Variants in ADAM23 observed in about 807,000 individuals in gnomAD.
ADAM23 encodes the protein disintegrin and metalloproteinase domain-containing protein 23.
In ADAM23, 33 loss-of-function variants were observed where a neutral mutation model predicts 120.1. The ratio of observed to expected loss-of-function variants is 0.27; its 90% confidence interval spans 0.21 to 0.37. The LOEUF (loss-of-function observed/expected upper bound fraction) is 0.37. Ranked by LOEUF, ADAM23 falls within the 10% of genes least tolerant of loss-of-function variation. The pLI, the probability that ADAM23 is intolerant of heterozygous loss-of-function variation, is 1.00. For synonymous variants in ADAM23, 367 were observed against 375.2 expected (o/e 0.98, Z 0.25); for missense variants, 862 against 1,058.2 (o/e 0.81, Z 2.57).
intron 9 of ADAM23, among the ~76,000 whole-genome samples, chr2:206,552,602 T>TCAAAAG (rs1453943437): frequency 6.6e-6 from 1 of 152,080 alleles, no homozygotes; most frequent in Non-Finnish European, 1.5e-5. Flanking sequence ...ATTTAGGCTA[T>TCAAAAG]CAAATCTTTT....
intron 13 of ADAM23, among the ~76,000 whole-genome samples, chr2:206,563,750 G>A (rs1697818833): frequency 7.4e-6 from 1 of 135,114 alleles, no homozygotes; most frequent in Non-Finnish European, 1.6e-5. Context: ...TTTTTTTTGA[G>A]AATGAGTCTC....
intron 9 of ADAM23, among the ~76,000 whole-genome samples, chr2:206,556,402 A>C (rs963874619): frequency 6.6e-6 from 1 of 152,192 alleles, no homozygotes; most frequent in African/African-American, 2.4e-5. Flanking sequence ...TAATGTAGAA[A>C]TATTTTGAAT....
intron 3 of ADAM23, among the ~76,000 whole-genome samples, chr2:206,481,813 G>A (rs544033794): frequency 1.3e-5 from 2 of 152,262 alleles, no homozygotes; most frequent in South Asian, 2.1e-4. Flanking sequence ...AAATTTACCC[G>A]ATTGTCTCTG....
chr2:206,444,237 A>G (rs1448903), intron 1 of ADAM23, among the ~76,000 whole-genome samples, 157 bp downstream of exon 1: 9,320 of 151,950 alleles, frequency 0.061, 377 homozygotes, highest in Middle Eastern at 0.12. Flanking sequence ...CCAAACCCCC[A>G]TTCATCCCAG....
intron 6 of ADAM23, among the ~76,000 whole-genome samples, chr2:206,546,296 C>A (rs1574525569): frequency 6.6e-6 from 1 of 152,046 alleles, no homozygotes; most frequent in South Asian, 2.1e-4. Flanking sequence ...TATCTTTTCA[C>A]CTTTTACCAG....
At position 206,557,508 on chromosome 2, in the gene ADAM23, C is replaced by G. The variant is rs759979110; in HGVS notation, c.1005+10C>G. ...CAACCTTGTGGATTCTGTAAGTATC[C>G]TGGTTTTCTTGAATTTGTGTGCCAA... is the stretch of plus-strand genomic sequence containing the variant. On this transcript the variant is annotated intron_variant, in intron 10 of 25. Coordinates refer to ENST00000264377, the MANE Select transcript of ADAM23 (RefSeq NM_003812.4). The G allele has an allele frequency of 5.6e-6, 9 of 1,605,040 alleles. No homozygotes were observed. Among genetic ancestry groups the G allele is most frequent in the Non-Finnish European group, 7.7e-6 (9 of 1,171,890 alleles).
chr2:206,502,411 C>T (rs1696406482), intron 3 of ADAM23, among the ~76,000 whole-genome samples: 1 of 152,042 alleles, frequency 6.6e-6, no homozygotes, highest in Admixed American at 6.6e-5. Flanking sequence ...TTATGACATT[C>T]AGCTTATTAC....
At chr2:206,468,753 A>G (rs770251344) in intron 2 of ADAM23, among the ~76,000 whole-genome samples, 1 of 152,196 alleles carries the variant, frequency 6.6e-6, no homozygotes, top group African/African-American at 2.4e-5. Context: ...GTATTAGTCC[A>G]TTCTCACATT....
chr2:206,597,238 G>A (rs573938708), intron 24 of ADAM23, among the ~76,000 whole-genome samples: 45 of 148,462 alleles, frequency 3.0e-4, no homozygotes, highest in African/African-American at 1.1e-3. Context: ...GGAGTGCAGC[G>A]GTGTGATCTT....
chr2:206,586,920 T>C (rs539356559), intron 18 of ADAM23, among the ~76,000 whole-genome samples: 1 of 152,346 alleles, frequency 6.6e-6, no homozygotes, highest in East Asian at 1.9e-4. Flanking sequence ...AATGTCATGA[T>C]GTCAAATGCA....
chr2:206,615,308 G>T (rs1000029130), intron 25 of ADAM23, among the ~76,000 whole-genome samples: 1 of 152,188 alleles, frequency 6.6e-6, no homozygotes, highest in Non-Finnish European at 1.5e-5. Flanking sequence ...TACCTTACAG[G>T]TTATGAGAAA....
In ADAM23 at chr2:206,618,268, C is replaced by G. The variant is rs1698973725; in HGVS notation, c.*641C>G. 6.6e-6 allele frequency: 1 copy of G among 152,216 alleles called. No individual in the cohort carries two copies. The highest frequency in any genetic ancestry group is 6.6e-5 in the Admixed American group (1 of 15,262). 9.4% of individuals were successfully genotyped at this position (152,216 alleles called of 1,614,324 possible). A position where few individuals can be genotyped will look rare whatever the true frequency, so the allele number is the denominator to read the frequency against. ...CACTTCTTACCCCCCACCTCCCACC[C>G]TCTATAATCCCCACTCCCCATTGGA... On this transcript the variant is annotated 3_prime_UTR_variant, in exon 26 of 26. Coordinates refer to ENST00000264377, the MANE Select transcript of ADAM23 (RefSeq NM_003812.4).
chr2:206,591,722 A>C (rs897205783), intron 21 of ADAM23, among the ~76,000 whole-genome samples: 2 of 152,216 alleles, frequency 1.3e-5, no homozygotes, highest in Non-Finnish European at 2.9e-5. Flanking sequence ...AAATAATGTC[A>C]GACTGTTTTC....
intron 18 of ADAM23, among the ~76,000 whole-genome samples, chr2:206,578,445 A>G (rs2105837769): frequency 1.3e-5 from 2 of 151,942 alleles, no homozygotes; most frequent in Middle Eastern, 3.4e-3. Flanking sequence ...AGAACATATG[A>G]TGCTTGGTTT....
chr2:206,594,759 G>A lies in ADAM23; in HGVS notation c.2101G>A (p.Asp701Asn). The change falls in exon 23 of 26, where the codon GAT becomes AAT. Residue 701 changes from aspartate (D) to asparagine (N), a missense_variant. Physicochemically the swap from Asp to Asn is conservative, Grantham distance 23. This residue lies in a region of ADAM23 where 617 missense variants were observed against 813.5 expected (regional missense o/e 0.76). Transcript: ENST00000264377. ...TAGTGGTGCCCATGTAGTTTTAGAT[G>A]ATGATACGGATGTGGGCTATGTAGA... is the stretch of plus-strand genomic sequence containing the variant. ...DCSGAHVVLD[D>N]DTDVGYVEDG... The A allele has an allele frequency of 6.2e-7, 1 of 1,614,182 alleles. No individual in the cohort carries two copies. The highest frequency in any genetic ancestry group is 8.5e-7 in the Non-Finnish European group (1 of 1,180,018).
At chr2:206,519,950 G>A (rs568019818) in intron 3 of ADAM23, among the ~76,000 whole-genome samples, 24 of 152,096 alleles carry the variant, frequency 1.6e-4, no homozygotes, top group Non-Finnish European at 3.4e-4. Flanking sequence ...GGGAGGTTGA[G>A]GCTGCTGTGG....
At chr2:206,520,224 T>A (rs1479276552) in intron 3 of ADAM23, among the ~76,000 whole-genome samples, 1 of 152,136 alleles carries the variant, frequency 6.6e-6, no homozygotes, top group Non-Finnish European at 1.5e-5. Context: ...GAGGCCCCTG[T>A]CTCAGTTCAG....
chr2:206,490,643 A>G (rs1430115079), intron 3 of ADAM23, among the ~76,000 whole-genome samples: 1 of 152,186 alleles, frequency 6.6e-6, no homozygotes, highest in South Asian at 2.1e-4. Context: ...TATGTCCTAG[A>G]GGCCTGATAG....
intron 3 of ADAM23, among the ~76,000 whole-genome samples, chr2:206,487,591 G>A (rs1299664647): frequency 6.6e-6 from 1 of 152,184 alleles, no homozygotes; most frequent in Non-Finnish European, 1.5e-5. Context: ...GTATATGTGG[G>A]TATTTAAGTT....
Sources: gnomAD v4.1 joint callset for allele counts (sites outside exome capture counted in the v4.1 genomes callset) on GRCh38, gnomAD v4.1.1 for gene constraint, gnomAD v4.1.1 regional missense constraint, MANE v1.5 for transcripts, NCBI Gene and HGNC (gene_info 2026-07-23, HGNC 2026-07-21) for gene names.